Variants in AGAP2 observed in about 807,000 individuals in gnomAD.
AGAP2 encodes arf-GAP with GTPase, ANK repeat and PH domain-containing protein 2.
Under a neutral mutation model 110.9 loss-of-function variants are expected in AGAP2, and 32 were observed. The observed-to-expected ratio is 0.29, with a 90% CI of 0.22 to 0.39. The LOEUF (loss-of-function observed/expected upper bound fraction) is 0.39, where lower values mean the gene tolerates loss of function less well. Ranked by LOEUF, AGAP2 falls within the 10% of genes least tolerant of loss-of-function variation. AGAP2 has a pLI of 1.00. For synonymous variants in AGAP2, 702 were observed against 713.0 expected (o/e 0.98, Z 0.25); for missense variants, 1,285 against 1,638.5 (o/e 0.78, Z 3.72).
chr12:57,738,279 G>A lies in AGAP2; in HGVS notation c.-33C>T. On this transcript the variant is annotated 5_prime_UTR_variant, in exon 1 of 19. Coordinates refer to ENST00000547588, the MANE Select transcript of AGAP2 (RefSeq NM_001122772.3). This position sits in a 1 kb window ranked among gnomAD's most constrained non-coding sequence, Gnocchi z 6.7. ...GGAGACCCCCGAGCTGGGGAGGGGA[G>A]GGGACTCCCCCGGACTGCCTCAGGG... 1 of 1,485,202 alleles carries A rather than the reference G, an allele frequency of 6.7e-7. No homozygotes were observed. Among genetic ancestry groups the A allele is most frequent in the South Asian group, 1.3e-5 (1 of 79,678 alleles). The allele number at this position is 1,485,202 out of a possible 1,614,324, so 92.0% of individuals were successfully genotyped here. A position where few individuals can be genotyped will look rare whatever the true frequency, so the allele number is the denominator to read the frequency against.
intron 10 of AGAP2, 85 bp downstream of exon 10, chr12:57,731,281 G>A: frequency 8.7e-7 from 1 of 1,148,542 alleles, no homozygotes; most frequent in African/African-American, 1.5e-5. Flanking sequence ...CTAGAAATGA[G>A]GTTAGTGCTT....
Position 57,737,328 on chromosome 12 carries a change from C to A in AGAP2, c.919G>T (p.Ala307Ser), listed in dbSNP as rs1188320207. 1.2e-6 allele frequency: 2 copies of A among 1,613,816 alleles called. No homozygotes were observed. Among genetic ancestry groups the A allele is most frequent in the Non-Finnish European group, 1.7e-6 (2 of 1,179,828 alleles). ...PTPSPATAVTAASAQPPGPAP... is the reference protein window; with the variant it reads ...PTPSPATAVTSASAQPPGPAP... ...GGCCCGGGGGGCTGCGCGGAAGCAG[C>A]GGTGACAGCAGTGGCTGGACTCGGA... Residue 307 changes from alanine (A) to serine (S), a missense_variant, in exon 1 of 19, where the codon GCT (alanine) becomes TCT (serine). Ala to Ser is a moderately conservative substitution (Grantham distance 99). Around this residue, in one of 7 missense-constraint regions of AGAP2, gnomAD observed 844 missense variants for 941.2 expected, o/e 0.90. Coordinates refer to ENST00000547588, the MANE Select transcript of AGAP2 (RefSeq NM_001122772.3). The surrounding 1 kb of genome is among the most constrained non-coding windows in gnomAD (Gnocchi z 5.9).
Position 57,726,972 on chromosome 12 carries a change from AC to A in AGAP2, c.3336+1del. ...CCCCTTTCCTCCCCCCAGCTCACGT[AC>A]CCACAGCAGCAGTTGCGTGATGACG... On this transcript the variant is annotated splice_donor_variant, in intron 18 of 18. Transcript: ENST00000547588. LOFTEE classifies it high-confidence loss of function. This position sits in a 1 kb window ranked among gnomAD's most constrained non-coding sequence, Gnocchi z 5.7. The A allele has an allele frequency of 6.4e-7, 1 of 1,571,810 alleles. No individual in the cohort carries two copies. Among genetic ancestry groups the A allele is most frequent in the Non-Finnish European group, 8.6e-7 (1 of 1,158,954 alleles).
intron 9 of AGAP2, 33 bp downstream of exon 9, chr12:57,731,523 C>T: frequency 6.2e-7 from 1 of 1,613,878 alleles, no homozygotes; most frequent in Middle Eastern, 1.6e-4. Flanking sequence ...AGACCAGCTG[C>T]CCCTAGCCTG....
chr12:57,731,887 G>A lies in AGAP2; in HGVS notation c.1875C>T (p.Ala625=), dbSNP rs145277487. 511 of 1,612,118 alleles carry A rather than the reference G, an allele frequency of 3.2e-4. No homozygotes were observed. The highest frequency in any genetic ancestry group is 6.9e-4 in the African/African-American group (52 of 74,998). The change falls in exon 8 of 19, where the codon GCC becomes GCT. Residue 625 remains alanine (A), a synonymous_variant. Coordinates refer to ENST00000547588, the MANE Select transcript of AGAP2 (RefSeq NM_001122772.3). ...TCAATCCAGCCACTGCAGCTGCCTCGGCTCGGAGCTCCCGGTGACCAACAT... is the reference window on the plus strand; with the variant it reads ...TCAATCCAGCCACTGCAGCTGCCTCAGCTCGGAGCTCCCGGTGACCAACAT... ...SPNVGHRELR[A]EAAAVAGLST...
chr12:57,728,418 G>T, intron 13 of AGAP2, 41 bp from the exon 14 acceptor site: 1 of 1,597,566 alleles, frequency 6.3e-7, no homozygotes, highest in Non-Finnish European at 8.6e-7. Flanking sequence ...AGAATGGAGA[G>T]CAGAACAGAG....
In AGAP2 at chr12:57,737,942, C is replaced by G; in HGVS notation, c.305G>C (p.Arg102Pro). Residue 102 changes from arginine (R) to proline (P), a missense_variant, in exon 1 of 19, where the codon CGC becomes CCC. Physicochemically the swap from Arg to Pro is moderately radical, Grantham distance 103 (BLOSUM62 -2). Coordinates refer to ENST00000547588, the MANE Select transcript of AGAP2 (RefSeq NM_001122772.3). This position sits in a 1 kb window ranked among gnomAD's most constrained non-coding sequence, Gnocchi z 5.9. ...GCGGCCGGGAGCGGGGGAGACTGGG[C>G]GGGCCGGACTGGCCGGAGCCGGGGA... Reference protein sequence around the residue: ...ALSPAPASPARPVSPAPGRRL... With the variant: ...ALSPAPASPAPPVSPAPGRRL... The G allele has an allele frequency of 7.2e-7, 1 of 1,392,906 alleles. No homozygotes were observed. Among genetic ancestry groups the G allele is most frequent in the South Asian group, 1.6e-5 (1 of 63,022 alleles). The allele number at this position is 1,392,906 out of a possible 1,614,324, so 86.3% of individuals were successfully genotyped here. A position where few individuals can be genotyped will look rare whatever the true frequency, so the allele number is the denominator to read the frequency against.
Position 57,729,673 on chromosome 12 carries a change from T to A in AGAP2, c.2523A>T (p.Pro841=), listed in dbSNP as rs761646474. The A allele has an allele frequency of 5.0e-6, 8 of 1,613,472 alleles. No homozygotes were observed. In the African/African-American group the frequency reaches 1.1e-4, roughly 22 times the overall value. ...KKQRRKKLTT[P]SKTEGSAGQA... ...GCCCAGCCGAGCCTTCAGTCTTGGA[T>A]GGTGTTGTCAATTTTTTCCTCCTCT... The change falls in exon 13 of 19, where the codon CCA becomes CCT. Residue 841 remains proline (P), a synonymous_variant. Coordinates refer to ENST00000547588, the MANE Select transcript of AGAP2 (RefSeq NM_001122772.3).
chr12:57,729,489 A>T, intron 13 of AGAP2, 150 bp downstream of exon 13: 1 of 1,149,618 alleles, frequency 8.7e-7, no homozygotes, highest in South Asian at 1.6e-5. Flanking sequence ...GGGGATGTCC[A>T]TCCACTCTTT....
Position 57,734,690 on chromosome 12 carries a change from G to T in AGAP2, c.1228-11C>A. On this transcript the variant is annotated splice_polypyrimidine_tract_variant and intron_variant, in intron 2 of 18. Coordinates refer to ENST00000547588, the MANE Select transcript of AGAP2 (RefSeq NM_001122772.3). ...ATCGCCCAGCACACCCTGAGGGCAA[G>T]GTTGTGGAGCAGAAATTGTGGGATA... 1 of 1,613,818 alleles carries T rather than the reference G, an allele frequency of 6.2e-7. No individual in the cohort carries two copies.
In AGAP2 at chr12:57,738,147, G is replaced by C; in HGVS notation, c.100C>G (p.Pro34Ala). Reference sequence around the variant, plus strand: ...GCGGCGCCGGCCGCGGCCGCAGACGGAGAAGGCGGCGGCGGAGGCACCGAC... The same window carrying C: ...GCGGCGCCGGCCGCGGCCGCAGACGCAGAAGGCGGCGGCGGAGGCACCGAC... ...LESVPPPPPSPSAAAAGAAGA... is the reference protein window; with the variant it reads ...LESVPPPPPSASAAAAGAAGA... Residue 34 changes from proline (P) to alanine (A), a missense_variant, in exon 1 of 19, where the codon CCG (proline) becomes GCG (alanine). Physicochemically the swap from Pro to Ala is conservative, Grantham distance 27 (BLOSUM62 -1). This residue lies in a region of AGAP2 where 844 missense variants were observed against 941.2 expected (regional missense o/e 0.90). Transcript: ENST00000547588. This position sits in a 1 kb window ranked among gnomAD's most constrained non-coding sequence, Gnocchi z 6.7. The C allele has an allele frequency of 2.6e-6, 4 of 1,523,462 alleles. No individual in the cohort carries two copies. In the East Asian group the frequency reaches 1.0e-4, roughly 38 times the overall value. The allele number at this position is 1,523,462 out of a possible 1,614,324, so 94.4% of individuals were successfully genotyped here.
upstream of AGAP2, among the ~76,000 whole-genome samples, chr12:57,738,985 G>A (rs1955042912): frequency 6.7e-6 from 1 of 150,036 alleles, no homozygotes; most frequent in South Asian, 2.1e-4. This position sits in a 1 kb window ranked among gnomAD's most constrained non-coding sequence, Gnocchi z 6.7. Flanking sequence ...CGGCCCCCAG[G>A]CCCCCCCACC....
chr12:57,739,171 G>C (rs1306663613), upstream of AGAP2, among the ~76,000 whole-genome samples: 1 of 151,966 alleles, frequency 6.6e-6, no homozygotes, highest in Non-Finnish European at 1.5e-5. Flanking sequence ...CGATTGTGAG[G>C]TATGGCATTT....
chr12:57,732,755 C>T, intron 6 of AGAP2, 90 bp downstream of exon 6: 1 of 1,575,072 alleles, frequency 6.3e-7, no homozygotes, highest in South Asian at 1.2e-5. Flanking sequence ...TCCTGTCACT[C>T]ACAGAGAGAG....
At chr12:57,735,341 C>T (rs766764869) in intron 2 of AGAP2, 28 bp downstream of exon 2, 1 of 1,612,046 alleles carries the variant, frequency 6.2e-7, no homozygotes, top group South Asian at 1.1e-5. Context: ...TCAGCCTTCC[C>T]TATAGGCAAG....
At chr12:57,731,136 G>A (rs575797543) in intron 10 of AGAP2, among the ~76,000 whole-genome samples, 183 bp from the exon 11 acceptor site, 21 of 152,280 alleles carry the variant, frequency 1.4e-4, no homozygotes, top group East Asian at 3.9e-4. Context: ...TCCAGAAAGC[G>A]TTCCCTTCCT....
rs1398165763 is a variant in AGAP2 at position 57,734,777 on chromosome 12, A to C, written c.1228-98T>G. 3.7e-6 allele frequency: 4 copies of C among 1,093,446 alleles called. No homozygotes were observed. In the East Asian group the frequency reaches 9.5e-5, roughly 26 times the overall value. 67.7% of individuals were successfully genotyped at this position (1,093,446 alleles called of 1,614,324 possible). A position where few individuals can be genotyped will look rare whatever the true frequency, so the allele number is the denominator to read the frequency against. ...GAAAACCCAGAGAGATAAGTCATCCAAGCAGGACCCTACAGGGCCTGGATG... is the reference window on the plus strand; with the variant it reads ...GAAAACCCAGAGAGATAAGTCATCCCAGCAGGACCCTACAGGGCCTGGATG... On this transcript the variant is annotated intron_variant, in intron 2 of 18. Coordinates refer to ENST00000547588, the MANE Select transcript of AGAP2 (RefSeq NM_001122772.3).
At chr12:57,734,431 C>T (rs1954942469) in intron 3 of AGAP2, 27 bp from the exon 4 acceptor site, 4 of 1,613,088 alleles carry the variant, frequency 2.5e-6, no homozygotes, top group Non-Finnish European at 3.4e-6. Context: ...GAAGGGGTAA[C>T]AGGTCAGAGG....
intron 17 of AGAP2, 26 bp downstream of exon 17, chr12:57,727,334 C>T: frequency 6.2e-7 from 1 of 1,605,240 alleles, no homozygotes; most frequent in Non-Finnish European, 8.5e-7. Flanking sequence ...AGCAACCCTC[C>T]CCCCGCTCTG....
Sources: gnomAD v4.1 joint callset for allele counts (sites outside exome capture counted in the v4.1 genomes callset) on GRCh38, gnomAD v4.1.1 for gene constraint, gnomAD v4.1.1 regional missense constraint, Gnocchi (gnomAD v3.1) non-coding constraint, MANE v1.5 for transcripts, NCBI Gene and HGNC (gene_info 2026-07-23, HGNC 2026-07-21) for gene names.